ATP5MJ: variants seen among roughly 807,000 people sequenced by gnomAD.
The protein encoded by ATP5MJ is ATP synthase membrane subunit j.
A neutral mutation model predicts 8.3 loss-of-function variants in ATP5MJ; 4 were observed. The ratio of observed to expected loss-of-function variants is 0.48; its 90% CI spans 0.24 to 1.11. The LOEUF is 1.11. ATP5MJ is among the 50% of genes least tolerant of loss of function. The pLI is 0.18. For synonymous variants in ATP5MJ, 23 were observed against 21.3 expected, an observed-to-expected ratio of 1.08 and a Z score of -0.23; for missense variants, 66 against 71.8, an observed-to-expected ratio of 0.92 and a Z score of 0.29.
At position 103,921,000 on chromosome 14, in the gene ATP5MJ, TATGATCTCTTTTC is replaced by T. The variant is rs2087673675; in HGVS notation, c.-1+457_-1+469del. The T allele has an allele frequency of 1.9e-6, 3 of 1,551,704 alleles. 1 individual carries two copies. The South Asian group carries it at 3.6e-5, about 18-fold the overall frequency. On this transcript the variant is annotated intron_variant, in intron 1 of 3. Coordinates refer to ENST00000286953, the MANE Select transcript of ATP5MJ (RefSeq NM_004894.3). ...TTCCATACAATTTCATTCAGCACCGTATGATCTCTTTTCAGCTTCCCTGTTGCCTCACCCAAGT... is the reference window on the plus strand; with the variant it reads ...TTCCATACAATTTCATTCAGCACCGTAGCTTCCCTGTTGCCTCACCCAAGT...
intron 1 of ATP5MJ, among the ~76,000 whole-genome samples, chr14:103,918,823 C>G (rs1314013445): frequency 6.6e-6 from 1 of 151,994 alleles, no homozygotes; most frequent in Non-Finnish European, 1.5e-5. Context: ...GAGATCAAGA[C>G]CATCCTGGCT....
At chr14:103,918,219 C>CA (rs2087640860) in intron 1 of ATP5MJ, 1 of 152,268 alleles carries the variant, frequency 6.6e-6, no homozygotes, top group Non-Finnish European at 1.5e-5. Context: ...GAGTGAATCC[C>CA]TTGTCTCTCA....
intron 1 of ATP5MJ, among the ~76,000 whole-genome samples, chr14:103,919,451 G>A (rs1004487898): frequency 6.6e-6 from 1 of 150,772 alleles, no homozygotes; most frequent in Non-Finnish European, 1.5e-5. Flanking sequence ...CAAATATCCA[G>A]TTCATGGCTA....
chr14:103,914,959 G>T, intron 2 of ATP5MJ, 107 bp downstream of exon 2: 1 of 1,407,332 alleles, frequency 7.1e-7, no homozygotes. Flanking sequence ...TAGCTCTAAT[G>T]TTCATACCTA....
At chr14:103,917,353 C>T (rs1292577548) in intron 1 of ATP5MJ, among the ~76,000 whole-genome samples, 1 of 151,942 alleles carries the variant, frequency 6.6e-6, no homozygotes, top group African/African-American at 2.4e-5. Flanking sequence ...ACATAAAATA[C>T]CATGGCTGGA....
chr14:103,912,498 A>G lies in ATP5MJ; in HGVS notation c.*168T>C, dbSNP rs2087588053. ...AGGGGCTGAGGGGGAACACACTGAA[A>G]GCAGTACCAGGTAGCAGTGCATCTC... On this transcript the variant is annotated 3_prime_UTR_variant, in exon 4 of 4. Coordinates refer to ENST00000286953, the MANE Select transcript of ATP5MJ (RefSeq NM_004894.3). The G allele has an allele frequency of 4.2e-6, 3 of 717,974 alleles. No homozygotes were observed. Among genetic ancestry groups the G allele is most frequent in the Non-Finnish European group, 7.2e-6 (3 of 416,160 alleles). 44.5% of individuals were successfully genotyped at this position (717,974 alleles called of 1,614,324 possible).
intron 1 of ATP5MJ, chr14:103,921,010 T>C: frequency 6.4e-7 from 1 of 1,551,698 alleles, no homozygotes; most frequent in Non-Finnish European, 8.7e-7. Context: ...TATGATCTCT[T>C]TTCAGCTTCC....
intron 2 of ATP5MJ, chr14:103,914,213 A>C (rs1452375440): frequency 1.7e-6 from 1 of 575,738 alleles, no homozygotes; most frequent in African/African-American, 1.9e-5. Context: ...CAATGTCCTA[A>C]ACTTTAGTCT....
At chr14:103,920,824 G>C in intron 1 of ATP5MJ, 3 of 836,430 alleles carry the variant, frequency 3.6e-6, no homozygotes, top group Non-Finnish European at 4.0e-6. Context: ...GTGTGTGTCA[G>C]TTTTACAGCA....
In ATP5MJ at chr14:103,914,951, G is replaced by C. The variant is rs146758313; in HGVS notation, c.124+115C>G. On this transcript the variant is annotated intron_variant, in intron 2 of 3. Coordinates refer to ENST00000286953, the MANE Select transcript of ATP5MJ (RefSeq NM_004894.3). The stretch of plus-strand genomic sequence containing the variant: ...TATTTTTTACGAAGGACTGTAGGTA[G>C]CTCTAATGTTCATACCTAGTTAGAA... 3 of 1,326,748 alleles carry C rather than the reference G, an allele frequency of 2.3e-6. No homozygotes were observed. The African/African-American group carries it at 4.5e-5, about 20-fold the overall frequency. The allele number at this position is 1,326,748 out of a possible 1,614,324, so 82.2% of individuals were successfully genotyped here. A position where few individuals can be genotyped will look rare whatever the true frequency, so the allele number is the denominator to read the frequency against.
At chr14:103,920,927 G>A (rs1283866079) in intron 1 of ATP5MJ, 2 of 1,542,122 alleles carry the variant, frequency 1.3e-6, no homozygotes, top group Non-Finnish European at 1.8e-6. Context: ...TTACATTAAG[G>A]GCGAACTATT....
intron 1 of ATP5MJ, among the ~76,000 whole-genome samples, chr14:103,917,075 G>T (rs1484658322): frequency 6.6e-6 from 1 of 152,160 alleles, no homozygotes; most frequent in African/African-American, 2.4e-5. Context: ...AAACAATAAA[G>T]GGTCAGGATA....
intron 1 of ATP5MJ, among the ~76,000 whole-genome samples, chr14:103,919,957 G>A (rs1595879347): frequency 6.6e-6 from 1 of 151,440 alleles, no homozygotes; most frequent in Non-Finnish European, 1.5e-5. Flanking sequence ...CTCCCGAGTA[G>A]CTGGGACTAC....
chr14:103,913,011 A>G (rs1267605246), intron 3 of ATP5MJ: 1 of 317,768 alleles, frequency 3.1e-6, no homozygotes. Flanking sequence ...TCACTCTGGC[A>G]TAAATTTATA....
At position 103,913,621 on chromosome 14, in the gene ATP5MJ, A is replaced by C. The variant is rs1466856609; in HGVS notation, c.148+340T>G. The C allele has an allele frequency of 7.2e-6, 3 of 419,408 alleles. No homozygotes were observed. The East Asian group carries it at 1.1e-4, about 15-fold the overall frequency. The allele number at this position is 419,408 out of a possible 1,614,324, so 26.0% of individuals were successfully genotyped here. A position where few individuals can be genotyped will look rare whatever the true frequency, so the allele number is the denominator to read the frequency against. Reference sequence around the variant, plus strand: ...GCGAGGCTCCGTCTCAAAAAACAATAAACAAAATAAAACGACATCATTAGG... The same window carrying C: ...GCGAGGCTCCGTCTCAAAAAACAATCAACAAAATAAAACGACATCATTAGG... On this transcript the variant is annotated intron_variant, in intron 3 of 3. Transcript: ENST00000286953.
chr14:103,913,618 A>G, intron 3 of ATP5MJ: 2 of 416,598 alleles, frequency 4.8e-6, no homozygotes, highest in East Asian at 7.2e-5. Flanking sequence ...CTCAAAAAAC[A>G]ATAAACAAAA....
intron 3 of ATP5MJ, chr14:103,913,477 G>A (rs556009237): frequency 1.9e-4 from 35 of 185,196 alleles, no homozygotes; most frequent in African/African-American, 7.2e-4. Flanking sequence ...CAGGCGTGGC[G>A]GCAGGTGCCT....
chr14:103,916,748 AAAAG>A (rs1253285281), intron 1 of ATP5MJ, among the ~76,000 whole-genome samples: 35 of 152,292 alleles, frequency 2.3e-4, no homozygotes, highest in Middle Eastern at 3.4e-3. Context: ...TCTGTCTCAA[AAAAG>A]AAAGAAAGAA....
intron 1 of ATP5MJ, 120 bp from the exon 2 acceptor site, chr14:103,915,309 T>G: frequency 1.8e-6 from 2 of 1,095,304 alleles, no homozygotes; most frequent in Non-Finnish European, 2.6e-6. Flanking sequence ...GCCTCGCCTG[T>G]GTCAGATGTC....
Sources: gnomAD v4.1 joint callset for allele counts (sites outside exome capture counted in the v4.1 genomes callset) on GRCh38, gnomAD v4.1.1 for gene constraint, MANE v1.5 for transcripts, NCBI Gene and HGNC (gene_info 2026-07-23, HGNC 2026-07-21) for gene names.